The following MEG3 variants were observed in gnomAD, a reference collection of about 807,000 sequenced individuals.
The protein encoded by MEG3 is Very putative protein from MEG3 locus.
At chr14:100,852,251 G>A (rs2038103379), upstream of MEG3, 8 of 479,158 alleles carry the variant, frequency 1.7e-5, no homozygotes, top group Non-Finnish European at 8.4e-6. Context: ...GGGTGCTCAG[G>A]AATCAAAGCT....
intron 2 of MEG3, among the ~76,000 whole-genome samples, chr14:100,843,846 T>G (rs1270801582): frequency 6.8e-6 from 1 of 146,974 alleles, no homozygotes. Flanking sequence ...TTTTTTTTTT[T>G]TTTTTTTTTT....
At chr14:100,851,411 C>T (rs1283032122) in intron 3 of MEG3, 2 of 152,266 alleles carry the variant, frequency 1.3e-5, no homozygotes, top group Non-Finnish European at 2.9e-5. Context: ...CACCTACTCA[C>T]ATCCAGGGGT....
intron 1 of MEG3, among the ~76,000 whole-genome samples, chr14:100,826,620 A>T (rs1045970514): frequency 2.2e-4 from 34 of 152,282 alleles, no homozygotes; most frequent in African/African-American, 7.2e-4. Flanking sequence ...TATGGCGGCG[A>T]TGCCTTCTGC....
intron 1 of MEG3, chr14:100,860,423 G>A (rs183351188): frequency 1.2e-4 from 39 of 333,340 alleles, no homozygotes; most frequent in Middle Eastern, 1.1e-3. Context: ...GTAGGTGGGC[G>A]TCAGGACTAG....
downstream of MEG3, chr14:100,830,411 G>A (rs1032431264): frequency 6.7e-5 from 10 of 150,000 alleles, no homozygotes; most frequent in Non-Finnish European, 1.2e-4. Context: ...CCCACAGGGC[G>A]CTTTTGAAGA....
At chr14:100,831,206 G>A (rs887118514), downstream of MEG3, 2 of 152,904 alleles carry the variant, frequency 1.3e-5, no homozygotes, top group Admixed American at 1.3e-4. Flanking sequence ...CAGGGAAACA[G>A]AGGCTGTCAA....
intron 2 of MEG3, among the ~76,000 whole-genome samples, chr14:100,843,634 C>T (rs1236969403): frequency 6.6e-6 from 1 of 152,048 alleles, no homozygotes; most frequent in Admixed American, 6.6e-5. Context: ...AAGAAGTGTC[C>T]CCAGTGCCCT....
rs770412637 is a variant in MEG3, at chr14:100,836,229, C to G, written n.2974C>G. 5.0e-5 allele frequency: 23 copies of G among 456,468 alleles called. No homozygotes were observed. In the Middle Eastern group the frequency reaches 9.7e-4, roughly 19 times the overall value. 28.3% of individuals were successfully genotyped at this position (456,468 alleles called of 1,614,324 possible). On this transcript the variant is annotated non_coding_transcript_exon_variant, in exon 2 of 4. Coordinates refer to the MEG3 transcript ENST00000398461. ...CTGCGGATGGAAGCTGCGGAAGAGG[C>G]CCTGATGGGGCCCACCATCCCGGAC...
rs142677044 is a variant in MEG3, at chr14:100,860,746, G to C, written n.3113-3G>C. The C allele has an allele frequency of 8.1e-3, 3,704 of 456,050 alleles. 191 individuals are homozygous for C. Among genetic ancestry groups the C allele is most frequent in the Admixed American group, 0.074 (3,142 of 42,482 alleles). The allele number at this position is 456,050 out of a possible 1,614,324, so 28.3% of individuals were successfully genotyped here. ...ATTCCCACGGGACAGGCTGGACCCA[G>C]AGACTCTGGACCCGGGGCCTCCCCT... On this transcript the variant is annotated splice_polypyrimidine_tract_variant and splice_region_variant and intron_variant and non_coding_transcript_variant, in intron 1 of 1. Coordinates refer to the MEG3 transcript ENST00000398460.
chr14:100,859,429 C>T (rs1218381811), exon 1 of MEG3: 1 of 152,120 alleles, frequency 6.6e-6, no homozygotes. Context: ...TGTTGTGGCC[C>T]AGGTGATTTT....
rs151191249 is a variant in MEG3, at chr14:100,845,451, G to C, written n.3046-7G>C. ...CTACTCTGTGACCTAGTGCCTTCTT[G>C]TTACAGCGGAAGCCATCACCTGGAT... On this transcript the variant is annotated splice_polypyrimidine_tract_variant and splice_region_variant and intron_variant and non_coding_transcript_variant, in intron 2 of 3. Coordinates refer to the MEG3 transcript ENST00000398461. This position sits in a 1 kb window ranked among gnomAD's most constrained non-coding sequence, Gnocchi z 5.2. 9,780 of 456,600 alleles carry C rather than the reference G, an allele frequency of 0.021. 238 individuals carry two copies. Among genetic ancestry groups the C allele is most frequent in the Admixed American group, 0.076 (3,244 of 42,550 alleles). 28.3% of individuals were successfully genotyped at this position (456,600 alleles called of 1,614,324 possible). A position where few individuals can be genotyped will look rare whatever the true frequency, so the allele number is the denominator to read the frequency against.
At chr14:100,844,580 G>A (rs1038733322) in intron 2 of MEG3, among the ~76,000 whole-genome samples, 6 of 152,086 alleles carry the variant, frequency 3.9e-5, no homozygotes, top group African/African-American at 1.2e-4. Context: ...CGTTGCCTCC[G>A]TGTGGTGTGG....
At chr14:100,860,630 C>T in intron 1 of MEG3, 1 of 456,486 alleles carries the variant, frequency 2.2e-6, no homozygotes, top group South Asian at 1.5e-5. Context: ...TGTCTGTGAA[C>T]TCTTGTCGGC....
exon 1 of MEG3, chr14:100,834,677 T>G (rs538203791): frequency 1.8e-5 from 8 of 456,476 alleles, no homozygotes; most frequent in African/African-American, 1.4e-4. Context: ...GCCCCGTGTC[T>G]CCTCAGGGTG....
intron 3 of MEG3, chr14:100,847,935 T>C (rs1294178833): frequency 6.6e-6 from 1 of 151,592 alleles, no homozygotes; most frequent in Non-Finnish European, 1.5e-5. Context: ...GAAGGAAGGA[T>C]GCTATGAATG....
intron 2 of MEG3, among the ~76,000 whole-genome samples, chr14:100,841,383 G>A (rs1445795857): frequency 6.6e-6 from 1 of 152,384 alleles, no homozygotes; most frequent in South Asian, 2.1e-4. Context: ...AAATGGGCGA[G>A]TGCAGGCCCA....
At chr14:100,847,152 C>A (rs2037941914) in intron 3 of MEG3, 1 of 151,550 alleles carries the variant, frequency 6.6e-6, no homozygotes, top group Admixed American at 6.6e-5. Context: ...GAAAAATAAA[C>A]CACAGAGAAC....
upstream of MEG3, chr14:100,853,772 C>A (rs2038160416): frequency 6.6e-6 from 1 of 152,212 alleles, no homozygotes; most frequent in East Asian, 1.9e-4. Flanking sequence ...CCACAACTAA[C>A]TGCTTAAAAC....
chr14:100,857,125 C>T (rs987133197), upstream of MEG3: 1 of 152,144 alleles, frequency 6.6e-6, no homozygotes, highest in African/African-American at 2.4e-5. Context: ...TCTTCATGGA[C>T]CTGTTAACAA....
Sources: gnomAD v4.1 joint callset for allele counts (sites outside exome capture counted in the v4.1 genomes callset) on GRCh38, gnomAD v4.1.1 for gene constraint, Gnocchi (gnomAD v3.1) non-coding constraint, MANE v1.5 for transcripts, NCBI Gene and HGNC (gene_info 2026-07-23, HGNC 2026-07-21) for gene names.